NSD1: variants seen among roughly 807,000 people sequenced by gnomAD.
The protein encoded by NSD1 is nuclear receptor binding SET domain protein 1, also known as histone-lysine N-methyltransferase, H3 lysine-36 specific.
In NSD1, 26 loss-of-function variants were observed where a neutral mutation model predicts 242.7. That is an observed-to-expected ratio of 0.11 (90% CI 0.08 to 0.15). The LOEUF is 0.15. Ranked by LOEUF, NSD1 falls within the 10% of genes least tolerant of loss-of-function variation. The pLI, the probability that NSD1 is intolerant of heterozygous loss-of-function variation, is 1.00. For synonymous variants in NSD1, 1,106 were observed against 1,178.1 expected, an observed-to-expected ratio of 0.94 and a Z score of 1.25; for missense variants, 2,495 against 3,272.8, an observed-to-expected ratio of 0.76 and a Z score of 5.80.
intron 2 of NSD1, among the ~76,000 whole-genome samples, chr5:177,149,698 C>T (rs888027422): frequency 1.3e-5 from 2 of 152,116 alleles, no homozygotes; most frequent in Non-Finnish European, 2.9e-5. Context: ...AACCTAGATC[C>T]CTTGCATTTG....
chr5:177,197,608 C>T (rs1314064708), intron 3 of NSD1, among the ~76,000 whole-genome samples: 2 of 152,158 alleles, frequency 1.3e-5, no homozygotes, highest in South Asian at 2.1e-4. Context: ...GGCGAGAGTG[C>T]GAGACTCCAT....
At chr5:177,202,443 A>G (rs776749787) in intron 3 of NSD1, among the ~76,000 whole-genome samples, 2 of 152,092 alleles carry the variant, frequency 1.3e-5, no homozygotes, top group Non-Finnish European at 2.9e-5. Flanking sequence ...CAGTGGCGTG[A>G]TAATGGCTCA....
At chr5:177,245,617 T>C (rs1378341031) in intron 9 of NSD1, among the ~76,000 whole-genome samples, 2 of 151,852 alleles carry the variant, frequency 1.3e-5, no homozygotes, top group African/African-American at 2.4e-5. Context: ...CAGGAGGGAC[T>C]AGAAGAATTT....
In NSD1 at chr5:177,209,901, A is replaced by G; in HGVS notation, c.1502A>G (p.Lys501Arg). 2 of 1,614,196 alleles carry G rather than the reference A, an allele frequency of 1.2e-6. No homozygotes were observed. The highest frequency in any genetic ancestry group is 1.3e-5 in the African/African-American group (1 of 75,058). ...CCTTGCGCTAAATCTCGAGCCAGAA[A>G]GAGCTCTGATAATCCAAAAAGGACT... is the stretch of plus-strand genomic sequence containing the variant. The part of the protein sequence containing the change: ...EKPCAKSRAR[K>R]SSDNPKRTSV... The change falls in exon 5 of 23, where the codon AAG becomes AGG. Residue 501 changes from lysine to arginine, a missense_variant. By Grantham distance (26) the Lys-to-Arg change is conservative. Transcript: ENST00000439151.
intron 14 of NSD1, chr5:177,266,340 C>T (rs552010080): frequency 8.4e-6 from 6 of 710,958 alleles, no homozygotes; most frequent in Admixed American, 5.4e-5. Flanking sequence ...CTGGAACACT[C>T]GATGCCGATG....
chr5:177,167,162 A>C (rs1417934810), intron 2 of NSD1, among the ~76,000 whole-genome samples: 1 of 152,140 alleles, frequency 6.6e-6, no homozygotes, highest in African/African-American at 2.4e-5. Flanking sequence ...TTTCCATTGA[A>C]TTCAAAAGAG....
At chr5:177,166,218 G>T (rs781743638) in intron 2 of NSD1, among the ~76,000 whole-genome samples, 1 of 151,862 alleles carries the variant, frequency 6.6e-6, no homozygotes, top group East Asian at 1.9e-4. Context: ...TGGCCTCCCA[G>T]CCCACATTCT....
Position 177,165,762 on chromosome 5 carries a change from C to T in NSD1, c.928-26122C>T, listed in dbSNP as rs566615205. On this transcript the variant is annotated intron_variant, in intron 2 of 22. Transcript: ENST00000439151. Reference sequence around the variant, plus strand: ...TACAGGTGTACACCACCATGCCTGGCAAATCACTGTTGTTGTTGTTGTTGT... The same window carrying T: ...TACAGGTGTACACCACCATGCCTGGTAAATCACTGTTGTTGTTGTTGTTGT... Among the ~76,000 whole-genome samples the T allele has an allele frequency of 2.0e-5, 3 of 152,106 alleles. No individual in the cohort carries two copies. In the East Asian group the frequency reaches 5.8e-4, roughly 29 times the overall value.
chr5:177,211,911 G>T lies in NSD1; in HGVS notation c.3512G>T (p.Arg1171Leu), dbSNP rs111638717. Residue 1171 changes from arginine (R) to leucine (L), a missense_variant, in exon 5 of 23, where the codon CGT (arginine) becomes CTT (leucine). Physicochemically the swap from Arg to Leu is moderately radical, Grantham distance 102. This residue lies in a region of NSD1 where 426 missense variants were observed against 411.4 expected (regional missense o/e 1.04). Transcript: ENST00000439151. ...TTAAACCAAAGGCGCACTAAACCTC[G>T]TAAGCGCATGAACAGATTTAAAGAG... ...QRLNQRRTKP[R>L]KRMNRFKEKE... The T allele has an allele frequency of 6.2e-7, 1 of 1,608,270 alleles. No individual in the cohort carries two copies. The highest frequency in any genetic ancestry group is 1.1e-5 in the South Asian group (1 of 90,334).
chr5:177,265,957 C>T, intron 14 of NSD1: 1 of 1,215,878 alleles, frequency 8.2e-7, no homozygotes, highest in Non-Finnish European at 1.2e-6. Context: ...CGTTGGTAAC[C>T]AGCTGTTTGA....
intron 20 of NSD1, among the ~76,000 whole-genome samples, chr5:177,284,621 A>G (rs371763455): frequency 6.6e-6 from 1 of 152,180 alleles, no homozygotes; most frequent in African/African-American, 2.4e-5. Context: ...TCTTCGGAAC[A>G]TGGATGGTTT....
chr5:177,179,909 T>C (rs1300565597), intron 2 of NSD1, among the ~76,000 whole-genome samples: 1 of 151,870 alleles, frequency 6.6e-6, no homozygotes, highest in Non-Finnish European at 1.5e-5. Context: ...TTAATATTTT[T>C]ATTTTTTATT....
rs1439923419 is a variant in NSD1, at chr5:177,269,683, A to G, written c.5385A>G (p.Pro1795=). Reference sequence around the variant, plus strand: ...TGAGACATGATGTGGGAGAGTTCCCAGTCCTCTTTTTTGGATCTAATGACT... The same window carrying G: ...TGAGACATGATGTGGGAGAGTTCCCGGTCCTCTTTTTTGGATCTAATGACT... ...DKMRHDVGEF[P]VLFFGSNDYL... Residue 1795 remains proline (P), a synonymous_variant, in exon 16 of 23, where the codon CCA becomes CCG. Transcript: ENST00000439151. The surrounding 1 kb of genome is among the most constrained non-coding windows in gnomAD (Gnocchi z 5.1). 5 of 1,613,992 alleles carry G rather than the reference A, an allele frequency of 3.1e-6. No individual in the cohort carries two copies. The African/African-American group carries it at 4.0e-5, about 13-fold the overall frequency.
intron 5 of NSD1, among the ~76,000 whole-genome samples, chr5:177,225,482 T>C (rs554433490): frequency 1.3e-5 from 2 of 152,254 alleles, no homozygotes; most frequent in South Asian, 4.1e-4. Context: ...ACTGGCCTCA[T>C]AGAATGAACG....
rs1383304888 is a variant in NSD1, at chr5:177,300,168, T to C, written c.*4709T>C. ...TAAACATGTACTGTAATTCTTTGTA[T>C]ATAGAAAAAAAATTTACTGTAAAGT... On this transcript the variant is annotated 3_prime_UTR_variant, in exon 23 of 23. Coordinates refer to ENST00000439151, the MANE Select transcript of NSD1 (RefSeq NM_022455.5). The C allele has an allele frequency of 8.9e-6, 2 of 224,988 alleles. No homozygotes were observed. The highest frequency in any genetic ancestry group is 6.4e-5 in the East Asian group (1 of 15,744). The allele number at this position is 224,988 out of a possible 1,614,324, so 13.9% of individuals were successfully genotyped here.
intron 22 of NSD1, among the ~76,000 whole-genome samples, chr5:177,292,986 T>C (rs1441161321): frequency 6.6e-6 from 1 of 152,214 alleles, no homozygotes; most frequent in Non-Finnish European, 1.5e-5. Context: ...CAAATTGGCT[T>C]TCCTTCACTG....
chr5:177,267,475 G>T, intron 14 of NSD1, 87 bp from the exon 15 acceptor site: 1 of 1,129,112 alleles, frequency 8.9e-7, no homozygotes, highest in Non-Finnish European at 1.3e-6. Flanking sequence ...TGAAGAGAAA[G>T]AAAATATATA....
At chr5:177,158,821 C>CAAAAAAAAAAAAAAAAAAAAAAAA (rs57206832) in intron 2 of NSD1, among the ~76,000 whole-genome samples, 1 of 80,326 alleles carries the variant, frequency 1.2e-5, no homozygotes, top group African/African-American at 5.4e-5. Context: ...GACTTCATCT[C>CAAAAAAAAAAAAAAAAAAAAAAAA]AAAAAAAAAA....
intron 6 of NSD1, 123 bp downstream of exon 6, chr5:177,236,068 C>T: frequency 9.8e-7 from 1 of 1,020,944 alleles, no homozygotes; most frequent in Non-Finnish European, 1.5e-6. Flanking sequence ...TTTTTATTCT[C>T]AGCTTCTAGC....
Sources: allele counts gnomAD v4.1 joint callset (sites outside exome capture counted in the v4.1 genomes callset), GRCh38; gene constraint gnomAD v4.1.1; regional missense constraint gnomAD v4.1.1; non-coding constraint Gnocchi (gnomAD v3.1); transcripts MANE v1.5; gene names NCBI Gene and HGNC (gene_info 2026-07-23, HGNC 2026-07-21).